The following GNPTAB variants were observed in gnomAD, a reference collection of about 807,000 sequenced individuals.
GNPTAB encodes the protein N-acetylglucosamine-1-phosphotransferase subunits alpha/beta.
In GNPTAB, 92 loss-of-function variants were observed where a neutral mutation model predicts 136.6. That is an observed-to-expected ratio of 0.67 (90% CI 0.57 to 0.80). The LOEUF (loss-of-function observed/expected upper bound fraction) is 0.80, where lower values mean the gene tolerates loss of function less well. Among genes scored for constraint, GNPTAB ranks in the 30% least tolerant of loss-of-function variants. GNPTAB has a pLI of 0.00. For synonymous variants in GNPTAB, 512 were observed against 535.1 expected (o/e 0.96, Z 0.60); for missense variants, 1,343 against 1,501.8 (o/e 0.89, Z 1.75).
chr12:101,763,231 AAAAAAAG>A (rs1371057076), intron 13 of GNPTAB, among the ~76,000 whole-genome samples: 4 of 146,326 alleles, frequency 2.7e-5, no homozygotes, highest in African/African-American at 2.5e-5. Context: ...CAAAAAAAAA[AAAAAAAG>A]AAAGGAAAGG....
chr12:101,755,957 CA>C, intron 18 of GNPTAB, among the ~76,000 whole-genome samples: 1 of 152,290 alleles, frequency 6.6e-6, no homozygotes, highest in Non-Finnish European at 1.5e-5. Context: ...CTAAAAACTG[CA>C]AATTCTCACA....
intron 3 of GNPTAB, among the ~76,000 whole-genome samples, chr12:101,789,247 G>A (rs79164662): frequency 0.016 from 2,508 of 152,284 alleles, 76 homozygotes; most frequent in African/African-American, 0.057. Flanking sequence ...AGAGCAAGCC[G>A]TTACTAGAGC....
chr12:101,796,621 A>AT, intron 2 of GNPTAB, 56 bp downstream of exon 2: 1 of 1,141,332 alleles, frequency 8.8e-7, no homozygotes, highest in South Asian at 1.2e-5. Flanking sequence ...CAGGATGGCT[A>AT]TTTCATGACT....
chr12:101,786,836 A>G (rs1868674483), intron 4 of GNPTAB, among the ~76,000 whole-genome samples: 2 of 152,232 alleles, frequency 1.3e-5, no homozygotes, highest in Non-Finnish European at 2.9e-5. Context: ...ACAGTATAAA[A>G]AATTGTTCAA....
Position 101,786,024 on chromosome 12 carries a change from T to C in GNPTAB, c.559A>G (p.Ser187Gly). The change falls in exon 5 of 21, where the codon AGT becomes GGT. Residue 187 changes from serine to glycine, a missense_variant. Ser to Gly is a moderately conservative substitution (Grantham distance 56, BLOSUM62 0). Coordinates refer to ENST00000299314, the MANE Select transcript of GNPTAB (RefSeq NM_024312.5). ...AAAAAGATCTTACCATCCTTAGTAC[T>C]GTCAAAAACAACAACTGAGACATTG... is the stretch of plus-strand genomic sequence containing the variant. ...STNVSVVVFDSTKDVEDAHSG... is the reference protein window; with the variant it reads ...STNVSVVVFDGTKDVEDAHSG... 2 of 1,610,938 alleles carry C rather than the reference T, an allele frequency of 1.2e-6. No individual in the cohort carries two copies. The highest frequency in any genetic ancestry group is 1.7e-6 in the Non-Finnish European group (2 of 1,177,094).
rs570148042 is a variant in GNPTAB, at chr12:101,814,066, G to A, written c.117+16493C>T. Among the ~76,000 whole-genome samples, 131 of 142,216 alleles carry A rather than the reference G, an allele frequency of 9.2e-4. 1 individual carries two copies. The South Asian group carries it at 0.012, about 13-fold the overall frequency. The allele number at this position is 142,216 out of a possible 152,430, so 93.3% of individuals were successfully genotyped here. ...TGCACTCCAGTCTGGGCAACAGAGCGAGACTCCATCTCAAAAAAAAAAAAA... is the reference window on the plus strand; with the variant it reads ...TGCACTCCAGTCTGGGCAACAGAGCAAGACTCCATCTCAAAAAAAAAAAAA... On this transcript the variant is annotated intron_variant, in intron 1 of 20. Transcript: ENST00000299314.
intron 1 of GNPTAB, among the ~76,000 whole-genome samples, chr12:101,803,549 G>A (rs1869761358): frequency 6.6e-6 from 1 of 152,220 alleles, no homozygotes; most frequent in Non-Finnish European, 1.5e-5. Flanking sequence ...AACCGAAGAT[G>A]GATGACCACT....
intron 17 of GNPTAB, 34 bp downstream of exon 17, chr12:101,757,538 T>C (rs778051529): frequency 9.8e-7 from 1 of 1,022,958 alleles, no homozygotes; most frequent in Non-Finnish European, 1.6e-6. Flanking sequence ...ATTACTCTTA[T>C]ACTAAACAAA....
At chr12:101,807,559 T>C (rs1426734482) in intron 1 of GNPTAB, among the ~76,000 whole-genome samples, 3 of 151,556 alleles carry the variant, frequency 2.0e-5, no homozygotes, top group Non-Finnish European at 4.4e-5. Context: ...ACTGTCTATG[T>C]AGAAAATCCC....
At chr12:101,789,084 A>AT (rs1246268088) in intron 3 of GNPTAB, among the ~76,000 whole-genome samples, 1 of 152,188 alleles carries the variant, frequency 6.6e-6, no homozygotes, top group African/African-American at 2.4e-5. Context: ...CTGTGGGCCT[A>AT]TTATATTTTT....
At position 101,796,685 on chromosome 12, in the gene GNPTAB, A is replaced by C; in HGVS notation, c.195T>G (p.Phe65Leu). The C allele has an allele frequency of 6.2e-7, 1 of 1,605,138 alleles. No individual in the cohort carries two copies. Among genetic ancestry groups the C allele is most frequent in the South Asian group, 1.1e-5 (1 of 90,898 alleles). ...TCCAAAATAGATCTTACCGATTCTG[A>C]AAGGACTTTCCAGCAATATTGTCTC... ...SYRDNIAGKS[F>L]QNRLCLPMPI... Residue 65 changes from phenylalanine to leucine, a missense_variant, in exon 2 of 21, where the codon TTT (phenylalanine) becomes TTG (leucine). Phe to Leu is a conservative substitution (Grantham distance 22, BLOSUM62 0). Transcript: ENST00000299314.
intron 8 of GNPTAB, 60 bp from the exon 9 acceptor site, chr12:101,770,645 C>G: frequency 8.4e-7 from 1 of 1,190,478 alleles, no homozygotes; most frequent in South Asian, 1.2e-5. Context: ...ACCTCCTCCT[C>G]TTTGTCCTTT....
intron 18 of GNPTAB, among the ~76,000 whole-genome samples, chr12:101,753,883 C>T (rs1277305710): frequency 1.3e-5 from 2 of 152,202 alleles, no homozygotes; most frequent in African/African-American, 2.4e-5. Flanking sequence ...GGCATGGCGG[C>T]TCACACCTGT....
chr12:101,763,213 C>G (rs1167849715), intron 13 of GNPTAB, among the ~76,000 whole-genome samples: 1 of 141,490 alleles, frequency 7.1e-6, no homozygotes, highest in African/African-American at 2.7e-5. Context: ...AAGAGCGAAA[C>G]TCCATCTCAA....
chr12:101,756,326 A>C (rs1952899729), intron 18 of GNPTAB: 2 of 189,982 alleles, frequency 1.1e-5, no homozygotes, highest in South Asian at 1.4e-4. Flanking sequence ...TGTAAGGTTC[A>C]CATCTTTGAT....
At chr12:101,754,522 A>C (rs373199034) in intron 18 of GNPTAB, among the ~76,000 whole-genome samples, 2 of 152,272 alleles carry the variant, frequency 1.3e-5, no homozygotes, top group South Asian at 2.1e-4. Flanking sequence ...AGAGAGAGAG[A>C]CAGTGCCTTA....
At chr12:101,791,460 C>CAAA (rs548798010) in intron 2 of GNPTAB, among the ~76,000 whole-genome samples, 2 of 85,432 alleles carry the variant, frequency 2.3e-5, no homozygotes, top group African/African-American at 7.5e-5. Context: ...GTTGATGAGC[C>CAAA]AAAAAAAAAA....
At chr12:101,762,785 T>A (rs1258689954) in intron 13 of GNPTAB, among the ~76,000 whole-genome samples, 1 of 151,682 alleles carries the variant, frequency 6.6e-6, no homozygotes, top group Non-Finnish European at 1.5e-5. Flanking sequence ...CCCATCAAAC[T>A]ATTAACAGCA....
intron 7 of GNPTAB, chr12:101,778,756 A>G (rs147349522): frequency 2.0e-5 from 3 of 152,080 alleles, no homozygotes; most frequent in African/African-American, 7.2e-5. Flanking sequence ...AAAATACAAA[A>G]ATTAGCCAGG....
Sources: gnomAD v4.1 joint callset for allele counts (sites outside exome capture counted in the v4.1 genomes callset) on GRCh38, gnomAD v4.1.1 for gene constraint, MANE v1.5 for transcripts, NCBI Gene and HGNC (gene_info 2026-07-23, HGNC 2026-07-21) for gene names.